Variants in PNISR observed in about 807,000 individuals in gnomAD.
PNISR encodes PNN interacting serine and arginine rich protein, also known as arginine/serine-rich protein PNISR.
A neutral mutation model predicts 93.4 loss-of-function variants in PNISR; 20 were observed. That is an observed-to-expected ratio of 0.21 (90% CI 0.15 to 0.31). PNISR has a LOEUF of 0.31. PNISR is among the 10% of genes least tolerant of loss of function. The probability of loss-of-function intolerance (pLI) is 1.00; values close to 1 mark genes in which losing one functional copy is unlikely to be tolerated. For synonymous variants in PNISR, 305 were observed against 306.5 expected (o/e 0.99, Z 0.05); for missense variants, 893 against 985.4 (o/e 0.91, Z 1.25).
At chr6:99,414,507 C>T in intron 3 of PNISR, 65 bp downstream of exon 3, 1 of 800,688 alleles carries the variant, frequency 1.2e-6, no homozygotes, top group Admixed American at 1.9e-5. Context: ...TTAATCCCAT[C>T]ATGTGTCTTC....
intron 7 of PNISR, 31 bp downstream of exon 7, chr6:99,408,050 C>A: frequency 1.3e-6 from 2 of 1,497,630 alleles, no homozygotes; most frequent in South Asian, 1.3e-5. Flanking sequence ...AAGATTTTCA[C>A]ATGGAGTTTC....
At chr6:99,411,091 G>T in intron 4 of PNISR, 127 bp from the exon 5 acceptor site, 1 of 666,426 alleles carries the variant, frequency 1.5e-6, no homozygotes, top group Non-Finnish European at 2.6e-6. Flanking sequence ...TGACTTCTTG[G>T]TCAAATTCCT....
intron 3 of PNISR, among the ~76,000 whole-genome samples, chr6:99,413,385 C>T (rs1777219892): frequency 7.2e-6 from 1 of 138,744 alleles, no homozygotes; most frequent in Non-Finnish European, 1.6e-5. Flanking sequence ...TAAATTTTTA[C>T]GTATCTATCC....
At chr6:99,416,551 A>G in intron 1 of PNISR, 123 bp from the exon 2 acceptor site, 1 of 395,328 alleles carries the variant, frequency 2.5e-6, no homozygotes, top group Non-Finnish European at 4.4e-6. Flanking sequence ...CATTAACTTT[A>G]TAATGGGGAA....
chr6:99,420,357 A>G (rs1028342084), intron 1 of PNISR, among the ~76,000 whole-genome samples: 12 of 152,254 alleles, frequency 7.9e-5, no homozygotes, highest in Admixed American at 4.6e-4. Flanking sequence ...ATTTTGTAGA[A>G]AAGAGACAGA....
At chr6:99,406,007 A>G in intron 8 of PNISR, 24 bp downstream of exon 8, 2 of 1,557,940 alleles carry the variant, frequency 1.3e-6, no homozygotes, top group Non-Finnish European at 8.7e-7. Flanking sequence ...ATCCATGTAC[A>G]TAGTAAGAAC....
chr6:99,400,620 G>A lies in PNISR; in HGVS notation c.2338C>T (p.Arg780Ter), dbSNP rs762665274. ...TGAGATTTCTCCACGGATCGCGATC[G>A]ACTATGTTTAGGCTTCTTAGCCTTC... is the stretch of plus-strand genomic sequence containing the variant. ...EKKAKKPKHS[R>*]SRSVEKSQRS... is the part of the protein sequence containing the mutation. Residue 780 changes from arginine to a stop codon, truncating the protein, a stop_gained, in exon 12 of 12, where the codon CGA (arginine) becomes TGA (stop). Coordinates refer to ENST00000369239, the MANE Select transcript of PNISR (RefSeq NM_032870.4). LOFTEE classifies it high-confidence loss of function. 1 of 1,614,036 alleles carries A rather than the reference G, an allele frequency of 6.2e-7. No homozygotes were observed. Among genetic ancestry groups the A allele is most frequent in the Non-Finnish European group, 8.5e-7 (1 of 1,179,986 alleles).
chr6:99,401,249 C>T lies in PNISR; in HGVS notation c.1709G>A (p.Arg570His), dbSNP rs188984720. The change falls in exon 12 of 12, where the codon CGT becomes CAT. Residue 570 changes from arginine (R) to histidine (H), a missense_variant. Physicochemically the swap from Arg to His is conservative, Grantham distance 29. This residue lies in a region of PNISR where 866 missense variants were observed against 935.1 expected (regional missense o/e 0.93). Coordinates refer to ENST00000369239, the MANE Select transcript of PNISR (RefSeq NM_032870.4). ...RSRSPTIKAR[R>H]SRSRSYSRRI... The stretch of plus-strand genomic sequence containing the variant: ...GCGAGAATAGCTTCTACTCCTGCTA[C>T]GTCTAGCTTTGATTGTTGGAGATCT... The T allele has an allele frequency of 9.9e-6, 16 of 1,612,378 alleles. No individual in the cohort carries two copies. The East Asian group carries it at 1.1e-4, about 11-fold the overall frequency.
intron 10 of PNISR, chr6:99,403,058 A>G (rs1352966035): frequency 6.2e-6 from 1 of 161,244 alleles, no homozygotes; most frequent in Admixed American, 6.4e-5. Flanking sequence ...TATTTCTAAA[A>G]TTAACTTTTA....
chr6:99,401,285 T>C lies in PNISR; in HGVS notation c.1673A>G (p.His558Arg). ...GATTGTTGGAGATCTACTCCTACTG[T>C]GTCTCTTTTTCCTTTTAGGAGAAGA... ...RSSSPKRKKR[H>R]SRSRSPTIKA... The change falls in exon 12 of 12, where the codon CAC becomes CGC. Residue 558 changes from histidine to arginine, a missense_variant. Coordinates refer to ENST00000369239, the MANE Select transcript of PNISR (RefSeq NM_032870.4). 4 of 1,614,146 alleles carry C rather than the reference T, an allele frequency of 2.5e-6. No homozygotes were observed. The highest frequency in any genetic ancestry group is 1.7e-5 in the Admixed American group (1 of 60,004).
chr6:99,406,101 C>T lies in PNISR; in HGVS notation c.932G>A (p.Ser311Asn). 6.2e-7 allele frequency: 1 copy of T among 1,608,106 alleles called. No homozygotes were observed. The highest frequency in any genetic ancestry group is 8.5e-7 in the Non-Finnish European group (1 of 1,174,504). The change falls in exon 8 of 12, where the codon AGT becomes AAT. Residue 311 changes from serine (S) to asparagine (N), a missense_variant. Ser to Asn is a conservative substitution (Grantham distance 46). Transcript: ENST00000369239. ...EAASSGKVTR[S>N]PSPVPQEEHS... ...CTCTTCTTGAGGAACTGGGGATGGACTTCTGGTGACTTTCCCACTACTTGC... is the reference window on the plus strand; with the variant it reads ...CTCTTCTTGAGGAACTGGGGATGGATTTCTGGTGACTTTCCCACTACTTGC...
intron 11 of PNISR, 61 bp downstream of exon 11, chr6:99,402,479 G>GT (rs1775627128): frequency 9.3e-7 from 1 of 1,080,604 alleles, no homozygotes; most frequent in Admixed American, 2.5e-5. Context: ...TTTTAGGTTA[G>GT]TTAAAAAATA....
chr6:99,423,685 G>A (rs1423706415), intron 1 of PNISR, among the ~76,000 whole-genome samples: 4 of 152,056 alleles, frequency 2.6e-5, no homozygotes, highest in Non-Finnish European at 5.9e-5. Context: ...CCAATAGCAG[G>A]GCACCCTACA....
chr6:99,407,619 T>G (rs1052384541), intron 7 of PNISR, among the ~76,000 whole-genome samples: 1 of 152,212 alleles, frequency 6.6e-6, no homozygotes, highest in Non-Finnish European at 1.5e-5. Context: ...ATAAAAAAGT[T>G]CCTAAACCAC....
intron 9 of PNISR, 21 bp from the exon 10 acceptor site, chr6:99,403,903 A>G: frequency 6.2e-7 from 1 of 1,600,692 alleles, no homozygotes; most frequent in Non-Finnish European, 8.6e-7. Flanking sequence ...CATCAACAAC[A>G]GGAACAACAT....
rs1775356760 is a variant in PNISR at position 99,400,722 on chromosome 6, T to C, written c.2236A>G (p.Lys746Glu). The C allele has an allele frequency of 6.2e-7, 1 of 1,612,608 alleles. No homozygotes were observed. Among genetic ancestry groups the C allele is most frequent in the Non-Finnish European group, 8.5e-7 (1 of 1,179,262 alleles). ...GAGCCTGAATGTTTTTTACTATCTTTGGTAGTACTTTTCTTACTATCCTGT... is the reference window on the plus strand; with the variant it reads ...GAGCCTGAATGTTTTTTACTATCTTCGGTAGTACTTTTCTTACTATCCTGT... The part of the protein sequence containing the change: ...SRQDSKKSTT[K>E]DSKKHSGSDS... The change falls in exon 12 of 12, where the codon AAA (lysine) becomes GAA (glutamate). Residue 746 changes from lysine to glutamate, a missense_variant. Physicochemically the swap from Lys to Glu is moderately conservative, Grantham distance 56. Transcript: ENST00000369239.
rs1475982341 is a variant in PNISR at position 99,401,177 on chromosome 6, C to G, written c.1781G>C (p.Arg594Thr). 8.1e-6 allele frequency: 13 copies of G among 1,613,954 alleles called. No homozygotes were observed. Among genetic ancestry groups the G allele is most frequent in the Non-Finnish European group, 1.1e-5 (13 of 1,179,804 alleles). Residue 594 changes from arginine (R) to threonine (T), a missense_variant, in exon 12 of 12, where the codon AGA (arginine) becomes ACA (threonine). Transcript: ENST00000369239. ...SNRARVKIRD[R>T]RRSNRNSIER... ...AATGCTATTTCTATTAGATCTCCTT[C>G]TATCTCTAATCTTTACCCTAGCCCT...
chr6:99,418,513 T>G (rs939779906), intron 1 of PNISR, among the ~76,000 whole-genome samples: 1 of 152,156 alleles, frequency 6.6e-6, no homozygotes, highest in Non-Finnish European at 1.5e-5. Context: ...AGGGTTTGAT[T>G]TGTATCACCT....
At chr6:99,406,511 A>G (rs1348367455) in intron 7 of PNISR, among the ~76,000 whole-genome samples, 1 of 151,992 alleles carries the variant, frequency 6.6e-6, no homozygotes, top group East Asian at 1.9e-4. Flanking sequence ...CTGAAATGAG[A>G]CACTTATAGA....
Sources: gnomAD v4.1 joint callset for allele counts (sites outside exome capture counted in the v4.1 genomes callset) on GRCh38, gnomAD v4.1.1 for gene constraint, gnomAD v4.1.1 regional missense constraint, MANE v1.5 for transcripts, NCBI Gene and HGNC (gene_info 2026-07-23, HGNC 2026-07-21) for gene names.